Variants in GNAQ observed in about 807,000 individuals in gnomAD.
The protein encoded by GNAQ is G protein subunit alpha q.
GNAQ carries 8 observed loss-of-function variants against 43.9 expected under a neutral mutation model. The ratio of observed to expected loss-of-function variants is 0.18; its 90% CI spans 0.11 to 0.33. GNAQ has a LOEUF of 0.33. Ranked by LOEUF, GNAQ falls within the 10% of genes least tolerant of loss-of-function variation. The pLI, the probability that GNAQ is intolerant of heterozygous loss-of-function variation, is 1.00. For synonymous variants in GNAQ, 155 were observed against 170.7 expected (o/e 0.91, Z 0.71); for missense variants, 158 against 450.8 (o/e 0.35, Z 5.88).
At chr9:77,851,577 T>C (rs1041880340) in intron 2 of GNAQ, among the ~76,000 whole-genome samples, 1 of 152,162 alleles carries the variant, frequency 6.6e-6, no homozygotes, top group Non-Finnish European at 1.5e-5. Context: ...TGTTTTGCTT[T>C]TGTTTCTATC....
At chr9:77,883,742 C>CAA (rs1326847318) in intron 2 of GNAQ, among the ~76,000 whole-genome samples, 3 of 152,048 alleles carry the variant, frequency 2.0e-5, no homozygotes, top group Admixed American at 6.6e-5. Flanking sequence ...AGGGTACAAT[C>CAA]AGAGTTTTTG....
chr9:77,760,539 C>T (rs988954779), intron 5 of GNAQ, among the ~76,000 whole-genome samples: 9 of 152,134 alleles, frequency 5.9e-5, no homozygotes, highest in African/African-American at 1.9e-4. Context: ...AGTGCAGTGG[C>T]GTGATCTCGG....
Position 77,898,077 on chromosome 9 carries a change from A to G in GNAQ, c.321+24084T>C, listed in dbSNP as rs542889699. Among the ~76,000 whole-genome samples, 356 of 152,310 alleles carry G rather than the reference A, an allele frequency of 2.3e-3. 2 individuals are homozygous for G. Among genetic ancestry groups the G allele is most frequent in the Non-Finnish European group, 4.2e-3 (285 of 68,014 alleles). On this transcript the variant is annotated intron_variant, in intron 2 of 6. Transcript: ENST00000286548. ...TATACCCTTAGTCTATGGAAGAGTA[A>G]TATCTGTAGAAACGATAGAACCACT...
chr9:77,956,399 C>A (rs1823040863), intron 1 of GNAQ, among the ~76,000 whole-genome samples: 1 of 152,106 alleles, frequency 6.6e-6, no homozygotes, highest in South Asian at 2.1e-4. Context: ...CTACAAATGC[C>A]CAGCTTCCTT....
At position 77,922,344 on chromosome 9, in the gene GNAQ, C is replaced by A. The variant is rs751728889; in HGVS notation, c.138G>T (p.Gly46=). ...ACGTACTCTTGCCACTCTCTCCTGT[C>A]CCTGAAAGATGAACAATAGCAGCTC... The part of the protein sequence containing the change: ...ARRELKLLLL[G]TGESGKSTFI... Residue 46 remains glycine, a splice_region_variant and synonymous_variant, in exon 2 of 7, where the codon GGG becomes GGT. Transcript: ENST00000286548. 6.2e-6 allele frequency: 10 copies of A among 1,609,904 alleles called. 1 individual carries two copies. In the South Asian group the frequency reaches 1.1e-4, roughly 18 times the overall value.
At chr9:77,985,847 C>T (rs915347448) in intron 1 of GNAQ, among the ~76,000 whole-genome samples, 3 of 152,140 alleles carry the variant, frequency 2.0e-5, no homozygotes, top group Non-Finnish European at 4.4e-5. Flanking sequence ...TTCAGCCTCC[C>T]AAAGTGCTGG....
intron 1 of GNAQ, among the ~76,000 whole-genome samples, chr9:77,973,799 CAG>C (rs1823267797): frequency 6.6e-6 from 1 of 152,104 alleles, no homozygotes; most frequent in Non-Finnish European, 1.5e-5. Context: ...GCCTGGGCGA[CAG>C]AGTGAGACTC....
At chr9:78,028,511 C>G (rs2118622845) in intron 1 of GNAQ, among the ~76,000 whole-genome samples, 2 of 152,242 alleles carry the variant, frequency 1.3e-5, no homozygotes, top group East Asian at 3.9e-4. Context: ...CCACTTTTAT[C>G]CCTGTCAAAC....
At chr9:77,879,083 T>TA (rs1828171631) in intron 2 of GNAQ, among the ~76,000 whole-genome samples, 1 of 150,078 alleles carries the variant, frequency 6.7e-6, no homozygotes, top group African/African-American at 2.5e-5. Context: ...AACCAAAAAA[T>TA]AAAAAAATAA....
chr9:77,978,293 T>C (rs1269591198), intron 1 of GNAQ, among the ~76,000 whole-genome samples: 3 of 152,210 alleles, frequency 2.0e-5, no homozygotes, highest in Non-Finnish European at 4.4e-5. Flanking sequence ...ACCTCTATTT[T>C]GTCTCTAGTT....
chr9:77,759,257 TAC>T (rs1825951778), intron 5 of GNAQ, among the ~76,000 whole-genome samples: 1 of 152,206 alleles, frequency 6.6e-6, no homozygotes, highest in African/African-American at 2.4e-5. Context: ...AAAATAACGT[TAC>T]AGTTCTCTAA....
chr9:77,821,403 T>G (rs1484092060), intron 2 of GNAQ, among the ~76,000 whole-genome samples: 1 of 152,102 alleles, frequency 6.6e-6, no homozygotes, highest in African/African-American at 2.4e-5. Flanking sequence ...GAGAACTCAA[T>G]CTCTTTCTTG....
intron 5 of GNAQ, among the ~76,000 whole-genome samples, chr9:77,742,724 A>G (rs1036284920): frequency 1.1e-4 from 17 of 152,204 alleles, no homozygotes; most frequent in African/African-American, 4.1e-4. Context: ...ACTAACAGAA[A>G]CATACAAATC....
chr9:77,895,393 G>A (rs1301809528), intron 2 of GNAQ, among the ~76,000 whole-genome samples: 3 of 152,146 alleles, frequency 2.0e-5, no homozygotes, highest in Non-Finnish European at 4.4e-5. Context: ...CTAGTAAGTG[G>A]TGGTGCTCAG....
At chr9:77,842,800 T>G (rs1247335265) in intron 2 of GNAQ, among the ~76,000 whole-genome samples, 1 of 152,132 alleles carries the variant, frequency 6.6e-6, no homozygotes, top group Non-Finnish European at 1.5e-5. Flanking sequence ...ATATGCATCT[T>G]TTACAAGGTT....
intron 2 of GNAQ, among the ~76,000 whole-genome samples, chr9:77,848,292 C>T (rs531618920): frequency 6.6e-6 from 1 of 152,310 alleles, no homozygotes; most frequent in South Asian, 2.1e-4. Flanking sequence ...AGTTCAGTGA[C>T]AAGCTAAGTG....
chr9:77,991,273 G>C (rs1052709792), intron 1 of GNAQ, among the ~76,000 whole-genome samples: 3 of 152,174 alleles, frequency 2.0e-5, no homozygotes, highest in Non-Finnish European at 4.4e-5. Context: ...AACACTATCA[G>C]TTGGCCTTTC....
At chr9:77,876,192 G>C (rs1828120741) in intron 2 of GNAQ, among the ~76,000 whole-genome samples, 1 of 152,190 alleles carries the variant, frequency 6.6e-6, no homozygotes, top group East Asian at 1.9e-4. Flanking sequence ...CTGGCCCCAA[G>C]CCAGCTCAGG....
At chr9:77,970,589 A>G (rs569613154) in intron 1 of GNAQ, among the ~76,000 whole-genome samples, 2 of 152,342 alleles carry the variant, frequency 1.3e-5, no homozygotes, top group Non-Finnish European at 1.5e-5. Context: ...TTTGAAACCA[A>G]TGAGAACAAA....
Sources: allele counts gnomAD v4.1 joint callset (sites outside exome capture counted in the v4.1 genomes callset), GRCh38; gene constraint gnomAD v4.1.1; transcripts MANE v1.5; gene names NCBI Gene and HGNC (gene_info 2026-07-23, HGNC 2026-07-21).